Variants in AGBL4 observed in about 807,000 individuals in gnomAD.
AGBL4 encodes AGBL carboxypeptidase 4, also known as cytosolic carboxypeptidase 6.
A neutral mutation model predicts 66.4 loss-of-function variants in AGBL4; 58 were observed. The observed-to-expected ratio is 0.87, with a 90% confidence interval of 0.71 to 1.09. AGBL4 has a LOEUF of 1.09. AGBL4 is among the 50% of genes least tolerant of loss of function. The probability of loss-of-function intolerance (pLI) is 0.00; values close to 1 mark genes in which losing one functional copy is unlikely to be tolerated. For synonymous variants in AGBL4, 234 were observed against 222.9 expected (o/e 1.05, Z -0.44); for missense variants, 579 against 631.0 (o/e 0.92, Z 0.88).
At chr1:49,188,095 CT>C (rs944606658) in intron 4 of AGBL4, among the ~76,000 whole-genome samples, 4 of 152,148 alleles carry the variant, frequency 2.6e-5, no homozygotes, top group East Asian at 1.9e-4. Flanking sequence ...TGAGTCCCCC[CT>C]AGCTATGTAG....
rs1259196604 is a variant in AGBL4 at position 48,601,848 on chromosome 1, A to G, written c.952-10863T>C. Among the ~76,000 whole-genome samples, 4 of 152,058 alleles carry G rather than the reference A, an allele frequency of 2.6e-5. No individual in the cohort carries two copies. In the East Asian group the frequency reaches 7.8e-4, roughly 29 times the overall value. ...AGTCATCCTATGTGCTCAGTTCTGT[A>G]TTGAAAGTGCACACAGATACAAGTA... On this transcript the variant is annotated intron_variant, in intron 9 of 13. Transcript: ENST00000371839.
chr1:49,957,431 G>A (rs1216137263), intron 1 of AGBL4, among the ~76,000 whole-genome samples: 8 of 151,764 alleles, frequency 5.3e-5, no homozygotes, highest in South Asian at 4.2e-4. Context: ...TTTCTGTCTC[G>A]TTGATCTGTC....
chr1:48,548,208 T>C (rs1320974445), intron 11 of AGBL4, among the ~76,000 whole-genome samples: 1 of 151,304 alleles, frequency 6.6e-6, no homozygotes, highest in Non-Finnish European at 1.5e-5. Context: ...GGAGTAAAGA[T>C]AAAGAGTAGG....
chr1:49,638,287 A>C (rs533186827), intron 3 of AGBL4, among the ~76,000 whole-genome samples: 1 of 152,304 alleles, frequency 6.6e-6, no homozygotes, highest in South Asian at 2.1e-4. Flanking sequence ...ATATTTCATA[A>C]TATGTAGGCA....
intron 8 of AGBL4, among the ~76,000 whole-genome samples, chr1:48,643,997 T>A (rs1645797691): frequency 6.6e-6 from 1 of 152,172 alleles, no homozygotes; most frequent in Non-Finnish European, 1.5e-5. Flanking sequence ...CAGGTCCTGC[T>A]TTTATCAATA....
chr1:49,910,866 C>T (rs920180956), intron 1 of AGBL4, among the ~76,000 whole-genome samples: 2 of 152,160 alleles, frequency 1.3e-5, no homozygotes, highest in Non-Finnish European at 1.5e-5. Context: ...GTCCCAGCTA[C>T]TCAGGAGGCT....
intron 4 of AGBL4, among the ~76,000 whole-genome samples, chr1:49,217,035 A>G (rs1451737973): frequency 3.9e-5 from 6 of 152,112 alleles, no homozygotes. Flanking sequence ...AGGATGTAAC[A>G]TGCTTATGTA....
chr1:49,385,329 A>G (rs1644714786), intron 3 of AGBL4, among the ~76,000 whole-genome samples: 1 of 152,078 alleles, frequency 6.6e-6, no homozygotes, highest in South Asian at 2.1e-4. Flanking sequence ...TAAAATGACA[A>G]AAGTGCAGAT....
intron 5 of AGBL4, among the ~76,000 whole-genome samples, chr1:49,025,193 AC>A (rs1175013895): frequency 6.6e-6 from 1 of 152,138 alleles, no homozygotes; most frequent in Non-Finnish European, 1.5e-5. Flanking sequence ...AAACAAGAAA[AC>A]CTTGCAAACA....
chr1:49,573,186 G>C (rs1439244047), intron 3 of AGBL4, among the ~76,000 whole-genome samples: 1 of 141,164 alleles, frequency 7.1e-6, no homozygotes, highest in African/African-American at 2.7e-5. Flanking sequence ...GTGTGTGTGT[G>C]TGTATACTTT....
chr1:48,610,686 T>C (rs1157889605), intron 9 of AGBL4, among the ~76,000 whole-genome samples: 1 of 152,202 alleles, frequency 6.6e-6, no homozygotes, highest in Non-Finnish European at 1.5e-5. Context: ...TAAGATATTC[T>C]ATGTATTTTC....
chr1:48,878,785 C>A (rs1649469351), intron 5 of AGBL4, among the ~76,000 whole-genome samples: 1 of 152,088 alleles, frequency 6.6e-6, no homozygotes, highest in Non-Finnish European at 1.5e-5. Context: ...TCATGACATT[C>A]AAAATAAAAG....
chr1:49,316,539 T>G (rs959107317), intron 3 of AGBL4, among the ~76,000 whole-genome samples: 1 of 151,708 alleles, frequency 6.6e-6, no homozygotes, highest in African/African-American at 2.4e-5. Context: ...GAAAAATAAT[T>G]AAAGCAACAA....
chr1:49,084,499 C>A (rs1224276553), intron 4 of AGBL4, among the ~76,000 whole-genome samples: 1 of 152,100 alleles, frequency 6.6e-6, no homozygotes, highest in Non-Finnish European at 1.5e-5. Context: ...GGGGAGCTCC[C>A]ATTTATAAAA....
At chr1:48,624,523 AG>A (rs1645467281) in intron 9 of AGBL4, among the ~76,000 whole-genome samples, 1 of 152,204 alleles carries the variant, frequency 6.6e-6, no homozygotes, top group African/African-American at 2.4e-5. Flanking sequence ...CACCTTAACC[AG>A]GGGGTTTACC....
intron 3 of AGBL4, among the ~76,000 whole-genome samples, chr1:49,689,664 T>C (rs1646850369): frequency 6.6e-6 from 1 of 152,176 alleles, no homozygotes; most frequent in South Asian, 2.1e-4. Context: ...TTGGGTAGTG[T>C]GGACATTTTA....
At chr1:49,408,554 T>A (rs1645251713) in intron 3 of AGBL4, among the ~76,000 whole-genome samples, 1 of 152,176 alleles carries the variant, frequency 6.6e-6, no homozygotes. Flanking sequence ...GTAGGCATCA[T>A]CTAATCAGCT....
chr1:48,552,865 C>T (rs569591534), intron 11 of AGBL4, among the ~76,000 whole-genome samples: 4 of 151,834 alleles, frequency 2.6e-5, no homozygotes, highest in Non-Finnish European at 5.9e-5. Context: ...GGATACCACT[C>T]ACAGGCTGCA....
At chr1:49,713,764 A>G (rs1425662016) in intron 2 of AGBL4, among the ~76,000 whole-genome samples, 2 of 152,040 alleles carry the variant, frequency 1.3e-5, no homozygotes, top group Non-Finnish European at 2.9e-5. Flanking sequence ...TGTACAAAGG[A>G]GGAACAATGT....
Sources: allele counts gnomAD v4.1 joint callset (sites outside exome capture counted in the v4.1 genomes callset), GRCh38; gene constraint gnomAD v4.1.1; transcripts MANE v1.5; gene names NCBI Gene and HGNC (gene_info 2026-07-23, HGNC 2026-07-21).